SDK1: variants seen among roughly 807,000 people sequenced by gnomAD.
SDK1 encodes protein sidekick-1.
In SDK1, 157 loss-of-function variants were observed where a neutral mutation model predicts 245.5. The ratio of observed to expected loss-of-function variants is 0.64; its 90% CI spans 0.56 to 0.73. SDK1 has a LOEUF of 0.73. SDK1 is among the 30% of genes least tolerant of loss of function. SDK1 has a pLI of 0.00. For synonymous variants in SDK1, 1,647 were observed against 1,278.5 expected, an observed-to-expected ratio of 1.29 and a Z score of -6.15; for missense variants, 3,583 against 3,002.3, an observed-to-expected ratio of 1.19 and a Z score of -4.52.
At chr7:3,962,613 C>A in intron 8 of SDK1, 44 bp from the exon 9 acceptor site, 1 of 1,474,300 alleles carries the variant, frequency 6.8e-7, no homozygotes. Context: ...GTTCTCACGT[C>A]AGGAATTATT....
chr7:3,309,976 G>T (rs1779511917), intron 1 of SDK1, among the ~76,000 whole-genome samples: 1 of 152,116 alleles, frequency 6.6e-6, no homozygotes. Flanking sequence ...TAGGAGTCCT[G>T]GGGTATCACA....
intron 4 of SDK1, among the ~76,000 whole-genome samples, chr7:3,708,896 T>G (rs1365527642): frequency 6.6e-6 from 1 of 152,256 alleles, no homozygotes; most frequent in African/African-American, 2.4e-5. Context: ...CCATTTACAT[T>G]CAGTGTTAAT....
chr7:3,340,902 G>C (rs115315470), intron 1 of SDK1, among the ~76,000 whole-genome samples: 1 of 152,100 alleles, frequency 6.6e-6, no homozygotes, highest in Admixed American at 6.5e-5. Context: ...TCTGGGTCCA[G>C]ATGGTTTCAC....
chr7:3,967,278 G>A (rs774324936), intron 9 of SDK1, 40 bp from the exon 10 acceptor site: 3 of 1,515,830 alleles, frequency 2.0e-6, no homozygotes, highest in Non-Finnish European at 2.8e-6. Flanking sequence ...GAGCCTCTCA[G>A]GAACAAGGCC....
At chr7:3,891,884 A>G (rs1188936163) in intron 5 of SDK1, among the ~76,000 whole-genome samples, 1 of 152,204 alleles carries the variant, frequency 6.6e-6, no homozygotes, top group East Asian at 1.9e-4. Flanking sequence ...GTATTTGCAA[A>G]GCAGTGAGTT....
intron 2 of SDK1, among the ~76,000 whole-genome samples, chr7:3,637,082 C>T (rs761819271): frequency 6.7e-6 from 1 of 148,230 alleles, no homozygotes; most frequent in South Asian, 2.1e-4. Context: ...AGAGTGCGTG[C>T]GCGCGTGTGT....
At chr7:3,332,518 T>C (rs956688930) in intron 1 of SDK1, among the ~76,000 whole-genome samples, 1 of 152,214 alleles carries the variant, frequency 6.6e-6, no homozygotes, top group Non-Finnish European at 1.5e-5. Context: ...AGAGTCATTA[T>C]AAAGGCATGA....
At chr7:3,910,215 A>G (rs936834360) in intron 5 of SDK1, among the ~76,000 whole-genome samples, 2 of 152,206 alleles carry the variant, frequency 1.3e-5, no homozygotes, top group African/African-American at 4.8e-5. Flanking sequence ...GCACAGAGCC[A>G]AGCAGAGAGA....
chr7:4,118,942 G>A (rs775883565), intron 25 of SDK1, among the ~76,000 whole-genome samples: 1 of 148,590 alleles, frequency 6.7e-6, no homozygotes, highest in Admixed American at 6.7e-5. Context: ...GAGAGGAATG[G>A]GAAGTGATGG....
At chr7:3,802,993 T>A (rs75537007) in intron 4 of SDK1, among the ~76,000 whole-genome samples, 4 of 152,226 alleles carry the variant, frequency 2.6e-5, no homozygotes, top group Non-Finnish European at 4.4e-5. Context: ...CGTTCAGGAT[T>A]ATAATCGGTG....
intron 4 of SDK1, among the ~76,000 whole-genome samples, chr7:3,793,074 G>A (rs923039678): frequency 4.6e-5 from 7 of 152,044 alleles, no homozygotes; most frequent in African/African-American, 1.7e-4. Flanking sequence ...CCTAGAAATG[G>A]GACAATGACA....
chr7:3,990,334 GC>G (rs768427113), intron 14 of SDK1, among the ~76,000 whole-genome samples: 10 of 152,230 alleles, frequency 6.6e-5, no homozygotes, highest in African/African-American at 9.6e-5. Context: ...CCTGCGGGGG[GC>G]CTCTGCAACT....
chr7:3,992,186 G>A (rs887489860), intron 14 of SDK1, among the ~76,000 whole-genome samples: 7 of 152,204 alleles, frequency 4.6e-5, no homozygotes, highest in Non-Finnish European at 7.3e-5. Flanking sequence ...GATAGCCTCT[G>A]CCCTGACGAC....
chr7:4,200,953 C>T (rs935801460), intron 35 of SDK1, among the ~76,000 whole-genome samples: 1 of 152,202 alleles, frequency 6.6e-6, no homozygotes, highest in Non-Finnish European at 1.5e-5. Context: ...CATAGGAAGG[C>T]AGAGTTGAGT....
intron 5 of SDK1, among the ~76,000 whole-genome samples, chr7:3,828,893 A>G (rs1289501771): frequency 2.0e-5 from 3 of 151,882 alleles, no homozygotes; most frequent in Non-Finnish European, 4.4e-5. Flanking sequence ...CTGGCCTCAA[A>G]TAATCCTCCC....
chr7:3,357,058 A>G (rs1234439989), intron 1 of SDK1, among the ~76,000 whole-genome samples: 1 of 149,288 alleles, frequency 6.7e-6, no homozygotes, highest in East Asian at 1.9e-4. Context: ...CTCTCGAAAA[A>G]AAAAAAAAAA....
intron 44 of SDK1, among the ~76,000 whole-genome samples, chr7:4,257,093 CAT>C (rs1162953621): frequency 2.6e-5 from 4 of 152,222 alleles, no homozygotes; most frequent in Non-Finnish European, 4.4e-5. Flanking sequence ...GTTCAAATCA[CAT>C]GTTAAAGATT....
intron 1 of SDK1, among the ~76,000 whole-genome samples, chr7:3,608,791 G>C (rs149385369): frequency 1.3e-5 from 2 of 152,184 alleles, no homozygotes; most frequent in African/African-American, 4.8e-5. Context: ...TTCAGAGTCC[G>C]CGTTGCAACT....
intron 35 of SDK1, among the ~76,000 whole-genome samples, chr7:4,188,305 T>C (rs1322412183): frequency 6.6e-6 from 1 of 152,222 alleles, no homozygotes; most frequent in African/African-American, 2.4e-5. Context: ...GTTTTATTTT[T>C]CTTTAATATG....
Sources: allele counts gnomAD v4.1 joint callset (sites outside exome capture counted in the v4.1 genomes callset), GRCh38; gene constraint gnomAD v4.1.1; transcripts MANE v1.5; gene names NCBI Gene and HGNC (gene_info 2026-07-23, HGNC 2026-07-21).